Variants in BAZ1A observed in about 807,000 individuals in gnomAD.
BAZ1A encodes bromodomain adjacent to zinc finger domain protein 1A.
Under a neutral mutation model 185.2 loss-of-function variants are expected in BAZ1A, and 50 were observed. That is an observed-to-expected ratio of 0.27 (90% CI 0.22 to 0.34). BAZ1A has a LOEUF of 0.34. BAZ1A is among the 10% of genes least tolerant of loss of function. The probability of loss-of-function intolerance (pLI) is 1.00; values close to 1 mark genes in which losing one functional copy is unlikely to be tolerated. For missense variants in BAZ1A, 1,356 were observed against 1,839.9 expected (o/e 0.74, Z 4.81); for synonymous variants, 571 against 615.6 (o/e 0.93, Z 1.07).
At chr14:34,789,656 A>G (rs756569747) in intron 12 of BAZ1A, among the ~76,000 whole-genome samples, 2 of 152,196 alleles carry the variant, frequency 1.3e-5, no homozygotes, top group Non-Finnish European at 2.9e-5. Context: ...TTTTTAGTTC[A>G]TGATATAAGA....
intron 3 of BAZ1A, among the ~76,000 whole-genome samples, chr14:34,839,197 A>G (rs1326925098): frequency 1.3e-5 from 2 of 152,190 alleles, no homozygotes; most frequent in Non-Finnish European, 2.9e-5. Flanking sequence ...AATTTTGTGG[A>G]GGTTCATAGA....
intron 4 of BAZ1A, among the ~76,000 whole-genome samples, chr14:34,822,868 A>G (rs1206658108): frequency 2.0e-5 from 3 of 152,174 alleles, no homozygotes; most frequent in Non-Finnish European, 4.4e-5. Flanking sequence ...TCCTAATTGA[A>G]ATTTTGAATT....
intron 3 of BAZ1A, among the ~76,000 whole-genome samples, chr14:34,834,213 G>A (rs1342568158): frequency 1.3e-5 from 2 of 152,154 alleles, no homozygotes; most frequent in Non-Finnish European, 2.9e-5. Flanking sequence ...AAGGCTTCTG[G>A]GAAGTAATGA....
chr14:34,807,710 G>T (rs1050926621), intron 5 of BAZ1A, among the ~76,000 whole-genome samples, 172 bp from the exon 6 acceptor site: 2 of 151,926 alleles, frequency 1.3e-5, no homozygotes, highest in Non-Finnish European at 2.9e-5. Context: ...TTTTACAGAG[G>T]TATTTATTAG....
At position 34,761,738 on chromosome 14, in the gene BAZ1A, A is replaced by T; in HGVS notation, c.4243+19T>A. Reference sequence around the variant, plus strand: ...TATTCAATTTTCCTAGGGAAGGAAGAGTTTAGATTTCTTCATACCTGGAGA... The same window carrying T: ...TATTCAATTTTCCTAGGGAAGGAAGTGTTTAGATTTCTTCATACCTGGAGA... On this transcript the variant is annotated intron_variant, in intron 24 of 26. Coordinates refer to ENST00000360310, the MANE Select transcript of BAZ1A (RefSeq NM_013448.3). 6.4e-7 allele frequency: 1 copy of T among 1,559,184 alleles called. No individual in the cohort carries two copies. Among genetic ancestry groups the T allele is most frequent in the Non-Finnish European group, 8.7e-7 (1 of 1,143,528 alleles).
intron 18 of BAZ1A, among the ~76,000 whole-genome samples, chr14:34,775,126 G>A (rs2138584302): frequency 6.6e-6 from 1 of 152,158 alleles, no homozygotes; most frequent in Admixed American, 6.5e-5. Flanking sequence ...TGAGACAGGA[G>A]ATGCACTAGA....
At chr14:34,792,724 T>C (rs188242865) in intron 12 of BAZ1A, 51 bp downstream of exon 12, 18 of 1,587,164 alleles carry the variant, frequency 1.1e-5, no homozygotes, top group Non-Finnish European at 1.5e-5. Flanking sequence ...CAAAAATTAG[T>C]TTCGCTACAA....
At chr14:34,784,980 C>T (rs955297663) in intron 14 of BAZ1A, among the ~76,000 whole-genome samples, 6 of 152,130 alleles carry the variant, frequency 3.9e-5, no homozygotes, top group East Asian at 3.9e-4. Flanking sequence ...CCTCTGCCTC[C>T]GAGTAGCTGG....
chr14:34,872,941 A>AAAAAAAAAAAAAAACAAC (rs1555346584), intron 2 of BAZ1A, among the ~76,000 whole-genome samples: 5 of 122,680 alleles, frequency 4.1e-5, no homozygotes, highest in South Asian at 2.7e-4. Context: ...AAAAAAAAAA[A>AAAAAAAAAAAAAAACAAC]CTTGTCCAAT....
At position 34,875,312 on chromosome 14, in the gene BAZ1A, C is replaced by G. The variant is rs2043032053; in HGVS notation, c.-233G>C. 2.2e-6 allele frequency: 1 copy of G among 455,864 alleles called. No individual in the cohort carries two copies. Among genetic ancestry groups the G allele is most frequent in the Non-Finnish European group, 4.4e-6 (1 of 226,760 alleles). The allele number at this position is 455,864 out of a possible 1,614,324, so 28.2% of individuals were successfully genotyped here. A position where few individuals can be genotyped will look rare whatever the true frequency, so the allele number is the denominator to read the frequency against. ...GAATTGCGTCCCACCGCCACTTCCC[C>G]GCCTCTCGGAGCTCCTGGGAAGTTT... On this transcript the variant is annotated 5_prime_UTR_variant, in exon 1 of 27. Coordinates refer to ENST00000360310, the MANE Select transcript of BAZ1A (RefSeq NM_013448.3).
At chr14:34,798,129 C>T (rs542424220) in intron 9 of BAZ1A, among the ~76,000 whole-genome samples, 35 of 152,330 alleles carry the variant, frequency 2.3e-4, no homozygotes, top group Admixed American at 3.9e-4. Flanking sequence ...AGGGGGCGTC[C>T]GCCACTGCTG....
intron 4 of BAZ1A, among the ~76,000 whole-genome samples, chr14:34,814,833 G>A (rs183590621): frequency 1.3e-5 from 2 of 151,178 alleles, no homozygotes; most frequent in Admixed American, 6.6e-5. Context: ...GAGTGCAATG[G>A]TGCGGTCTCG....
intron 4 of BAZ1A, among the ~76,000 whole-genome samples, chr14:34,820,471 A>T (rs374237889): frequency 6.6e-5 from 10 of 152,270 alleles, no homozygotes; most frequent in Admixed American, 4.6e-4. Flanking sequence ...TTATTTGTAT[A>T]TTTTGGATAA....
intron 3 of BAZ1A, among the ~76,000 whole-genome samples, chr14:34,844,781 A>ACACACACACACACGCG (rs1265452414): frequency 4.2e-3 from 36 of 8,552 alleles, no homozygotes; most frequent in Admixed American, 0.031. Context: ...ACACGCGCAC[A>ACACACACACACACGCG]CACACACACA....
At chr14:34,773,496 TA>T in intron 20 of BAZ1A, 75 bp downstream of exon 20, 1 of 1,267,624 alleles carries the variant, frequency 7.9e-7, no homozygotes, top group Non-Finnish European at 1.0e-6. Flanking sequence ...CATATTTACT[TA>T]AAAACCAAAA....
chr14:34,760,488 C>CTT (rs5807795), intron 24 of BAZ1A, among the ~76,000 whole-genome samples: 2,961 of 139,552 alleles, frequency 0.021, 84 homozygotes, highest in African/African-American at 0.065. Flanking sequence ...AGAACAGTGG[C>CTT]TTTTTTTTTT....
rs767742166 is a variant in BAZ1A, at chr14:34,812,229, G to T, written c.537-1193C>A. On this transcript the variant is annotated intron_variant, in intron 4 of 26. Coordinates refer to ENST00000360310, the MANE Select transcript of BAZ1A (RefSeq NM_013448.3). The stretch of plus-strand genomic sequence containing the variant: ...GTTGATATTTAAGCAGAGATCTGGG[G>T]GGGGAGGGGAACAAAAAAAAGGGAG... 3.3e-5 allele frequency among the ~76,000 whole-genome samples: 5 copies of T among 151,590 alleles called. 1 individual carries two copies. Among genetic ancestry groups the T allele is most frequent in the East Asian group, 1.9e-4 (1 of 5,190 alleles).
At chr14:34,788,611 T>G (rs1398537381) in intron 12 of BAZ1A, among the ~76,000 whole-genome samples, 1 of 152,116 alleles carries the variant, frequency 6.6e-6, no homozygotes, top group Admixed American at 6.6e-5. Flanking sequence ...GCCCATTTTC[T>G]TAAAGGAATG....
intron 9 of BAZ1A, among the ~76,000 whole-genome samples, chr14:34,798,240 G>A (rs145025594): frequency 1.4e-4 from 21 of 152,394 alleles, no homozygotes; most frequent in African/African-American, 2.2e-4. Flanking sequence ...GGCCTGCTGC[G>A]TCTGTAGACC....
Sources: allele counts gnomAD v4.1 joint callset (sites outside exome capture counted in the v4.1 genomes callset), GRCh38; gene constraint gnomAD v4.1.1; transcripts MANE v1.5; gene names NCBI Gene and HGNC (gene_info 2026-07-23, HGNC 2026-07-21).